The following DOC2B variants were observed in gnomAD, a reference collection of about 807,000 sequenced individuals.
DOC2B encodes the protein double C2-like domain-containing protein beta.
Under a neutral mutation model 28.9 loss-of-function variants are expected in DOC2B, and 21 were observed. That is an observed-to-expected ratio of 0.73 (90% CI 0.52 to 1.05). The LOEUF (loss-of-function observed/expected upper bound fraction) is 1.05. Ranked by LOEUF, DOC2B falls within the 50% of genes least tolerant of loss-of-function variation. The pLI is 0.00. For missense variants in DOC2B, 384 were observed against 421.1 expected, an observed-to-expected ratio of 0.91 and a Z score of 0.77; for synonymous variants, 194 against 178.1, an observed-to-expected ratio of 1.09 and a Z score of -0.71.
intron 2 of DOC2B, among the ~76,000 whole-genome samples, chr17:166,076 T>C (rs146581630): frequency 0.024 from 3,677 of 152,246 alleles, 161 homozygotes; most frequent in African/African-American, 0.084. Context: ...ACGGGAGTGA[T>C]GCCTGCTCTG....
chr17:153,847 T>C (rs183532341), intron 6 of DOC2B, among the ~76,000 whole-genome samples: 1 of 152,284 alleles, frequency 6.6e-6, no homozygotes, highest in African/African-American at 2.4e-5. Context: ...TCGTTTGTTG[T>C]GTTTTCGACA....
chr17:172,537 C>T lies in DOC2B; in HGVS notation c.453G>A (p.Lys151=), dbSNP rs1216713036. The change falls in exon 2 of 9, where the codon AAG becomes AAA. Residue 151 remains lysine, a splice_region_variant and synonymous_variant. Transcript: ENST00000613549. ...NALHCTITKA[K]GLKPMDHNGL... is the part of the protein sequence containing the mutation. ...TTGGGGGCAGGCTGGCGGGGCCTAC[C>T]TTGGCCTTGGTGATGGTGCAGTGGA... 2 of 1,550,652 alleles carry T rather than the reference C, an allele frequency of 1.3e-6. No individual in the cohort carries two copies. The highest frequency in any genetic ancestry group is 2.4e-5 in the East Asian group (1 of 40,924).
chr17:155,960 A>G, intron 6 of DOC2B: 1 of 495,688 alleles, frequency 2.0e-6, no homozygotes, highest in Non-Finnish European at 3.5e-6. Context: ...AGAGGCCTGG[A>G]CATAGCATCA....
intron 2 of DOC2B, among the ~76,000 whole-genome samples, chr17:164,591 T>TGACC (rs1567534277): frequency 6.6e-6 from 1 of 152,058 alleles, no homozygotes; most frequent in Non-Finnish European, 1.5e-5. Flanking sequence ...TGCCCCTCAC[T>TGACC]GACCCTAAAT....
chr17:162,120 T>C lies in DOC2B; in HGVS notation c.599A>G (p.Tyr200Cys), dbSNP rs753606720. ...NPTWNETLTY[Y>C]GITDEDMIRK... ...GATCATGTCTTCATCTGTGATCCCG[T>C]AGTAAGTGAGGGTCTCGTTCCATGT... The change falls in exon 4 of 9, where the codon TAC (tyrosine) becomes TGC (cysteine). Residue 200 changes from tyrosine to cysteine, a missense_variant. Physicochemically the swap from Tyr to Cys is radical, Grantham distance 194. Coordinates refer to ENST00000613549, the MANE Select transcript of DOC2B (RefSeq NM_003585.5). 25 of 1,551,678 alleles carry C rather than the reference T, an allele frequency of 1.6e-5. No homozygotes were observed. Among genetic ancestry groups the C allele is most frequent in the Non-Finnish European group, 2.1e-5 (24 of 1,147,002 alleles).
intron 6 of DOC2B, among the ~76,000 whole-genome samples, chr17:152,752 C>G (rs985650015): frequency 6.6e-6 from 1 of 152,092 alleles, no homozygotes; most frequent in African/African-American, 2.4e-5. Flanking sequence ...AGCCCGGTGA[C>G]AGAGTGAGTC....
At position 159,360 on chromosome 17, in the gene DOC2B, G is replaced by A. The variant is rs577465047; in HGVS notation, c.765+2055C>T. 2.5e-4 allele frequency among the ~76,000 whole-genome samples: 38 copies of A among 151,882 alleles called. No homozygotes were observed. In the South Asian group the frequency reaches 6.5e-3, roughly 26 times the overall value. On this transcript the variant is annotated intron_variant, in intron 5 of 8. Transcript: ENST00000613549. ...ACCAAAATTAGCCAGGCGTGGTGGC[G>A]CACACCTGTAATCCCAGCACTTTGG...
intron 2 of DOC2B, among the ~76,000 whole-genome samples, chr17:172,214 T>C (rs562811664): frequency 9.1e-5 from 13 of 142,304 alleles, no homozygotes; most frequent in Admixed American, 3.4e-4. Flanking sequence ...TCCCTTGGCC[T>C]GCAGGACAGA....
intron 6 of DOC2B, among the ~76,000 whole-genome samples, chr17:149,600 G>C (rs2040051548): frequency 6.6e-6 from 1 of 152,024 alleles, no homozygotes; most frequent in African/African-American, 2.4e-5. Flanking sequence ...CTGCCTCCCG[G>C]GTTCAAGTGA....
At chr17:165,704 C>T (rs562320423) in intron 2 of DOC2B, among the ~76,000 whole-genome samples, 8 of 152,166 alleles carry the variant, frequency 5.3e-5, no homozygotes, top group African/African-American at 1.4e-4. Context: ...GGGACAGGGC[C>T]TGGCTCAGTG....
rs551963291 is a variant in DOC2B at position 154,293 on chromosome 17, G to A, written c.923+1927C>T. Among the ~76,000 whole-genome samples the A allele has an allele frequency of 1.5e-3, 208 of 141,384 alleles. No homozygotes were observed. The East Asian group carries it at 0.031, about 21-fold the overall frequency. The allele number at this position is 141,384 out of a possible 152,430, so 92.8% of individuals were successfully genotyped here. A position where few individuals can be genotyped will look rare whatever the true frequency, so the allele number is the denominator to read the frequency against. On this transcript the variant is annotated intron_variant, in intron 6 of 8. Transcript: ENST00000613549. ...CTCCTTCTTAGGGCTGATATTCCAC[G>A]CACCTGCTACACTCCTTCTTAGGGC...
intron 6 of DOC2B, among the ~76,000 whole-genome samples, chr17:150,512 C>T (rs981667833): frequency 2.0e-5 from 3 of 152,180 alleles, no homozygotes; most frequent in Non-Finnish European, 4.4e-5. Flanking sequence ...CACACAGTGC[C>T]TGCGACAAAG....
chr17:152,891 G>T (rs1017177942), intron 6 of DOC2B, among the ~76,000 whole-genome samples: 1 of 152,188 alleles, frequency 6.6e-6, no homozygotes, highest in East Asian at 1.9e-4. Context: ...TTTCTTCTGG[G>T]GCACAGGTCA....
At chr17:155,480 C>A (rs1008156373) in intron 6 of DOC2B, among the ~76,000 whole-genome samples, 1 of 152,150 alleles carries the variant, frequency 6.6e-6, no homozygotes, top group Non-Finnish European at 1.5e-5. Flanking sequence ...AGCACCTGCC[C>A]CTCCTTTCTG....
In DOC2B at chr17:181,329, G is replaced by C; in HGVS notation, c.151C>G (p.Arg51Gly). The change falls in exon 1 of 9, where the codon CGA becomes GGA. Residue 51 changes from arginine (R) to glycine (G), a missense_variant. Physicochemically the swap from Arg to Gly is moderately radical, Grantham distance 125 (BLOSUM62 -2). Transcript: ENST00000613549. The surrounding 1 kb of genome is among the most constrained non-coding windows in gnomAD (Gnocchi z 7.0). ...GGGGCGTCCGGGGGTGCAGCGGCTC[G>C]GGGCCCGGCGTCCGGGGGCAGGCCC... ...PRGLPPDAGP[R>G]AAAPPDAPAR... The C allele has an allele frequency of 8.8e-7, 1 of 1,142,364 alleles. No homozygotes were observed. The allele number at this position is 1,142,364 out of a possible 1,614,324, so 70.8% of individuals were successfully genotyped here. A position where few individuals can be genotyped will look rare whatever the true frequency, so the allele number is the denominator to read the frequency against.
In DOC2B at chr17:158,997, T is replaced by G. The variant is rs111371606; in HGVS notation, c.765+2418A>C. 6.0e-5 allele frequency among the ~76,000 whole-genome samples: 9 copies of G among 150,350 alleles called. 1 individual carries two copies. Among genetic ancestry groups the G allele is most frequent in the African/African-American group, 2.2e-4 (9 of 40,652 alleles). On this transcript the variant is annotated intron_variant, in intron 5 of 8. Coordinates refer to ENST00000613549, the MANE Select transcript of DOC2B (RefSeq NM_003585.5). ...AGGCGGAGGTTGAAGTAAGCCGACA[T>G]TGCGCCACTGCACTCCAGCCTGGGC... is the stretch of plus-strand genomic sequence containing the variant.
rs1398961122 is a variant in DOC2B at position 161,353 on chromosome 17, C to T, written c.765+62G>A. 8 of 1,515,670 alleles carry T rather than the reference C, an allele frequency of 5.3e-6. No homozygotes were observed. The East Asian group carries it at 2.0e-4, about 37-fold the overall frequency. The allele number at this position is 1,515,670 out of a possible 1,614,324, so 93.9% of individuals were successfully genotyped here. On this transcript the variant is annotated intron_variant, in intron 5 of 8. Transcript: ENST00000613549. ...TGAGTCCCATCACAGGCAGGAAGTT[C>T]TGCCTTCCCAGCACCTGCCACCGAG...
intron 1 of DOC2B, among the ~76,000 whole-genome samples, chr17:178,069 T>C (rs902478156): frequency 1.3e-5 from 2 of 152,238 alleles, no homozygotes; most frequent in African/African-American, 2.4e-5. Flanking sequence ...TCCTTACCAA[T>C]TCCTTACCCA....
Position 164,115 on chromosome 17 carries a change from G to C in DOC2B, c.528+15C>G. On this transcript the variant is annotated intron_variant, in intron 3 of 8. Coordinates refer to ENST00000613549, the MANE Select transcript of DOC2B (RefSeq NM_003585.5). Reference sequence around the variant, plus strand: ...CGGGTGCAGCTGGTGGGCAGGCCTGGGTGGAACCCCTCACCTTACTGGCTC... The same window carrying C: ...CGGGTGCAGCTGGTGGGCAGGCCTGCGTGGAACCCCTCACCTTACTGGCTC... 6.5e-7 allele frequency: 1 copy of C among 1,548,234 alleles called. No individual in the cohort carries two copies.
Sources: allele counts gnomAD v4.1 joint callset (sites outside exome capture counted in the v4.1 genomes callset), GRCh38; gene constraint gnomAD v4.1.1; non-coding constraint Gnocchi (gnomAD v3.1); transcripts MANE v1.5; gene names NCBI Gene and HGNC (gene_info 2026-07-23, HGNC 2026-07-21).